DHTKD1: variants seen among roughly 807,000 people sequenced by gnomAD.
DHTKD1 encodes the protein dehydrogenase E1 and transketolase domain containing 1.
A neutral mutation model predicts 101.8 loss-of-function variants in DHTKD1; 78 were observed. That is an observed-to-expected ratio of 0.77 (90% CI 0.64 to 0.93). DHTKD1 has a LOEUF of 0.93. DHTKD1 is among the 40% of genes least tolerant of loss of function. DHTKD1 has a pLI of 0.00. For missense variants in DHTKD1, 1,223 were observed against 1,161.7 expected (o/e 1.05, Z -0.77); for synonymous variants, 462 against 450.3 (o/e 1.03, Z -0.33).
chr10:12,106,986 T>C (rs2131620156), intron 11 of DHTKD1, among the ~76,000 whole-genome samples: 1 of 150,916 alleles, frequency 6.6e-6, no homozygotes, highest in South Asian at 2.1e-4. Context: ...CTTTTTCTTT[T>C]CTTTTTTTTT....
At chr10:12,075,895 CTTTTG>C (rs1228858080) in intron 1 of DHTKD1, among the ~76,000 whole-genome samples, 3 of 148,990 alleles carry the variant, frequency 2.0e-5, no homozygotes, top group African/African-American at 7.4e-5. Context: ...TTTTTTACTT[CTTTTG>C]TTTTTTCTTT....
At chr10:12,071,321 T>C (rs1832646962) in intron 1 of DHTKD1, among the ~76,000 whole-genome samples, 1 of 152,152 alleles carries the variant, frequency 6.6e-6, no homozygotes, top group South Asian at 2.1e-4. Context: ...GGCCATATAC[T>C]GGGCTCTCTA....
intron 1 of DHTKD1, among the ~76,000 whole-genome samples, chr10:12,070,949 T>G (rs1292315171): frequency 6.6e-6 from 1 of 152,230 alleles, no homozygotes. Flanking sequence ...GCATGTAGTC[T>G]GCCTCAGTCC....
chr10:12,097,426 C>G (rs1219743558), intron 7 of DHTKD1, among the ~76,000 whole-genome samples: 1 of 152,108 alleles, frequency 6.6e-6, no homozygotes, highest in African/African-American at 2.4e-5. Context: ...GCGCCCGCCA[C>G]CATGCCAAGC....
chr10:12,086,851 C>T (rs923487758), intron 3 of DHTKD1, among the ~76,000 whole-genome samples: 5 of 152,032 alleles, frequency 3.3e-5, no homozygotes, highest in African/African-American at 9.7e-5. Context: ...CCACCACACC[C>T]GGCTAATTTT....
chr10:12,081,375 G>T, intron 1 of DHTKD1, 97 bp from the exon 2 acceptor site: 1 of 922,360 alleles, frequency 1.1e-6, no homozygotes, highest in South Asian at 1.5e-5. Context: ...AAAAAGTAAG[G>T]TGTCTAGGGC....
At chr10:12,079,436 G>A (rs1832781149) in intron 1 of DHTKD1, among the ~76,000 whole-genome samples, 3 of 152,128 alleles carry the variant, frequency 2.0e-5, no homozygotes, top group African/African-American at 4.8e-5. Context: ...TTGGGAGGCC[G>A]AGGCAGGTGG....
intron 10 of DHTKD1, among the ~76,000 whole-genome samples, chr10:12,104,321 G>C (rs944528854): frequency 6.6e-6 from 1 of 152,138 alleles, no homozygotes; most frequent in Non-Finnish European, 1.5e-5. Flanking sequence ...TGGGACTGCA[G>C]GTGTGCGCCA....
rs1334711462 is a variant in DHTKD1, at chr10:12,112,393, T to C, written c.2155-507T>C. Among the ~76,000 whole-genome samples, 9 of 152,166 alleles carry C rather than the reference T, an allele frequency of 5.9e-5. No homozygotes were observed. The East Asian group carries it at 1.5e-3, about 26-fold the overall frequency. On this transcript the variant is annotated intron_variant, in intron 12 of 16. Coordinates refer to ENST00000263035, the MANE Select transcript of DHTKD1 (RefSeq NM_018706.7). ...GCCTTTGGGGAAGGGTTAGGAGTTATGCCTCAGCTTTCTGTCCCACCAGGA... is the reference window on the plus strand; with the variant it reads ...GCCTTTGGGGAAGGGTTAGGAGTTACGCCTCAGCTTTCTGTCCCACCAGGA...
chr10:12,114,941 G>A (rs1457894180), intron 13 of DHTKD1, among the ~76,000 whole-genome samples: 3 of 151,710 alleles, frequency 2.0e-5, no homozygotes, highest in East Asian at 2.0e-4. Flanking sequence ...GACCACAGGC[G>A]CCTGCCACCA....
chr10:12,114,763 CTTGGTTGG>C (rs140140326), intron 13 of DHTKD1, among the ~76,000 whole-genome samples: 123,136 of 150,400 alleles, frequency 0.82, 50,607 homozygotes, highest in East Asian at 0.94. Context: ...GCTTCCACCC[CTTGGTTGG>C]TTGGTTGGTT....
chr10:12,081,439 CTGTT>C (rs771017893), intron 1 of DHTKD1, 29 bp from the exon 2 acceptor site: 166 of 1,601,518 alleles, frequency 1.0e-4, no homozygotes, highest in Non-Finnish European at 1.4e-4. Flanking sequence ...ATCTCCTAAA[CTGTT>C]TGCATTTTTA....
rs1429163526 is a variant in DHTKD1, at chr10:12,103,331, T to C, written c.1896+2150T>C. ...AGAGTAGCTATATTTTCCTGAGTAGTGATCTGCCTTCATTGTCTAATAGTA... is the reference window on the plus strand; with the variant it reads ...AGAGTAGCTATATTTTCCTGAGTAGCGATCTGCCTTCATTGTCTAATAGTA... On this transcript the variant is annotated intron_variant, in intron 10 of 16. Transcript: ENST00000263035. This position sits in a 1 kb window ranked among gnomAD's most constrained non-coding sequence, Gnocchi z 4.8. Among the ~76,000 whole-genome samples, 1 of 152,136 alleles carries C rather than the reference T, an allele frequency of 6.6e-6. No individual in the cohort carries two copies. Among genetic ancestry groups the C allele is most frequent in the East Asian group, 1.9e-4 (1 of 5,180 alleles).
intron 1 of DHTKD1, 21 bp downstream of exon 1, chr10:12,069,208 G>T: frequency 6.5e-7 from 1 of 1,528,764 alleles, no homozygotes; most frequent in Middle Eastern, 2.3e-4. Flanking sequence ...GGGCCCGGGC[G>T]GTGGGAGCGG....
intron 12 of DHTKD1, 39 bp downstream of exon 12, chr10:12,108,054 C>A: frequency 6.6e-7 from 1 of 1,510,528 alleles, no homozygotes; most frequent in Middle Eastern, 1.7e-4. Context: ...AATCATTTTC[C>A]TGCTTCCTAG....
rs1472475744 is a variant in DHTKD1, at chr10:12,121,851, C to T, written c.*963C>T. Reference sequence around the variant, plus strand: ...ATTATCTAGATGATTTCAGACTTGACCCTAATTGACCATATATGACCAGGA... The same window carrying T: ...ATTATCTAGATGATTTCAGACTTGATCCTAATTGACCATATATGACCAGGA... On this transcript the variant is annotated 3_prime_UTR_variant, in exon 17 of 17. Coordinates refer to ENST00000263035, the MANE Select transcript of DHTKD1 (RefSeq NM_018706.7). The T allele has an allele frequency of 6.6e-6, 1 of 152,152 alleles. No individual in the cohort carries two copies. The highest frequency in any genetic ancestry group is 1.5e-5 in the Non-Finnish European group (1 of 68,046). The allele number at this position is 152,152 out of a possible 1,614,324, so 9.4% of individuals were successfully genotyped here.
chr10:12,089,282 C>T (rs1832953479), intron 5 of DHTKD1, 27 bp downstream of exon 5: 4 of 1,602,278 alleles, frequency 2.5e-6, no homozygotes, highest in Non-Finnish European at 3.4e-6. Context: ...AAATTGAGGC[C>T]AGAGGTGGGG....
chr10:12,070,815 C>G (rs893558671), intron 1 of DHTKD1, among the ~76,000 whole-genome samples: 8 of 152,216 alleles, frequency 5.3e-5, no homozygotes, highest in African/African-American at 1.9e-4. Flanking sequence ...TTTGCAGAGC[C>G]GAATTCCCCT....
chr10:12,100,891 C>G, intron 9 of DHTKD1, 151 bp from the exon 10 acceptor site: 2 of 776,694 alleles, frequency 2.6e-6, no homozygotes, highest in Non-Finnish European at 4.1e-6. Context: ...TAACTATAGA[C>G]TTTTGAATAT....
Sources: gnomAD v4.1 joint callset for allele counts (sites outside exome capture counted in the v4.1 genomes callset) on GRCh38, gnomAD v4.1.1 for gene constraint, Gnocchi (gnomAD v3.1) non-coding constraint, MANE v1.5 for transcripts, NCBI Gene and HGNC (gene_info 2026-07-23, HGNC 2026-07-21) for gene names.